Variants in EPS8L3 observed in about 807,000 individuals in gnomAD.
EPS8L3 encodes the protein epidermal growth factor receptor kinase substrate 8-like protein 3.
Under a neutral mutation model 88.5 loss-of-function variants are expected in EPS8L3, and 80 were observed. The ratio of observed to expected loss-of-function variants is 0.90; its 90% CI spans 0.75 to 1.09. The LOEUF (loss-of-function observed/expected upper bound fraction) is 1.09, where lower values mean the gene tolerates loss of function less well. Among genes scored for constraint, EPS8L3 ranks in the 50% least tolerant of loss-of-function variants. EPS8L3 has a pLI of 0.00. For missense variants in EPS8L3, 721 were observed against 735.2 expected (o/e 0.98, Z 0.22); for synonymous variants, 286 against 291.0 (o/e 0.98, Z 0.18).
At chr1:109,757,226 G>T (rs1475210436) in intron 11 of EPS8L3, 61 bp from the exon 12 acceptor site, 11 of 1,504,082 alleles carry the variant, frequency 7.3e-6, no homozygotes, top group Non-Finnish European at 8.9e-6. Context: ...GTGAGGGTGG[G>T]AAAGGCCCAG....
In EPS8L3 at chr1:109,757,871, A is replaced by C; in HGVS notation, c.833-8T>G. ...ACTGTGCCTGGGTGAGACCTGGGAGAAGGGGCCAAGACGGTGGGCCAGAGA... is the reference window on the plus strand; with the variant it reads ...ACTGTGCCTGGGTGAGACCTGGGAGCAGGGGCCAAGACGGTGGGCCAGAGA... On this transcript the variant is annotated splice_polypyrimidine_tract_variant and splice_region_variant and intron_variant, in intron 9 of 18. Transcript: ENST00000361965. 1.2e-6 allele frequency: 2 copies of C among 1,613,984 alleles called. No homozygotes were observed. Among genetic ancestry groups the C allele is most frequent in the South Asian group, 2.2e-5 (2 of 91,082 alleles).
Position 109,758,561 on chromosome 1 carries a change from G to T in EPS8L3, c.564C>A (p.Ile188=), listed in dbSNP as rs1650543546. Residue 188 remains isoleucine, a synonymous_variant, in exon 7 of 19, where the codon ATC becomes ATA. Coordinates refer to ENST00000361965, the MANE Select transcript of EPS8L3 (RefSeq NM_133181.4). ...TCCTCTGGTGGGGCTGTTCTGGAGG[G>T]ATCCCCGGCTCCAGATAGCGTGCCT... ...MEQARYLEPG[I]PPEQPHQRTL... The T allele has an allele frequency of 1.9e-6, 3 of 1,612,666 alleles. No individual in the cohort carries two copies. Among genetic ancestry groups the T allele is most frequent in the Non-Finnish European group, 2.5e-6 (3 of 1,179,260 alleles).
At chr1:109,753,459 A>C (rs921001066) in intron 12 of EPS8L3, among the ~76,000 whole-genome samples, 5 of 152,248 alleles carry the variant, frequency 3.3e-5, no homozygotes, top group Non-Finnish European at 5.9e-5. Flanking sequence ...CACCTCCGTA[A>C]GAACATGATG....
At position 109,750,744 on chromosome 1, in the gene EPS8L3, T is replaced by C; in HGVS notation, c.1686A>G (p.Ile562Met). 1 of 1,614,200 alleles carries C rather than the reference T, an allele frequency of 6.2e-7. No individual in the cohort carries two copies. Among genetic ancestry groups the C allele is most frequent in the Non-Finnish European group, 8.5e-7 (1 of 1,180,032 alleles). The change falls in exon 18 of 19, where the codon ATA becomes ATG. Residue 562 changes from isoleucine to methionine, a missense_variant. Coordinates refer to ENST00000361965, the MANE Select transcript of EPS8L3 (RefSeq NM_133181.4). The part of the protein sequence containing the change: ...GSLTGSQLLR[I>M]RPGELQMLCP... ...ATAGCATCTGTAGCTCCCCAGGTCT[T>C]ATGCGAAGTAGCTGGCTCCCCGTCA...
In EPS8L3 at chr1:109,758,350, C is replaced by T. The variant is rs773474367; in HGVS notation, c.683G>A (p.Arg228Gln). The change falls in exon 8 of 19, where the codon CGG becomes CAG. Residue 228 changes from arginine to glutamine, a missense_variant. Arg to Gln is a conservative substitution (Grantham distance 43, BLOSUM62 1). Coordinates refer to ENST00000361965, the MANE Select transcript of EPS8L3 (RefSeq NM_133181.4). ...PSAFTLPPPR[R>Q]SSSPEDPERD... is the part of the protein sequence containing the mutation. ...CTCTGGGTCCTCGGGGGAAGAGGACCGCCTTGGAGGAGGCAGAGTAAAGGC... is the reference window on the plus strand; with the variant it reads ...CTCTGGGTCCTCGGGGGAAGAGGACTGCCTTGGAGGAGGCAGAGTAAAGGC... 36 of 1,613,500 alleles carry T rather than the reference C, an allele frequency of 2.2e-5. No individual in the cohort carries two copies. The East Asian group carries it at 2.7e-4, about 12-fold the overall frequency.
At position 109,750,398 on chromosome 1, in the gene EPS8L3, C is replaced by G. The variant is rs1405839752; in HGVS notation, c.1775G>C (p.Ser592Thr). ...AGGTGTCTAAGCTGGTGCCTAAGGG[C>G]TTATCTGAGGAAAGACAAAGATTCA... Reference protein sequence around the residue: ...LEAVRRMLGISP With the variant: ...LEAVRRMLGITP Residue 592 changes from serine (S) to threonine (T), a missense_variant, in exon 19 of 19, where the codon AGC becomes ACC. By Grantham distance (58) the Ser-to-Thr change is moderately conservative. Transcript: ENST00000361965. 3 of 1,613,524 alleles carry G rather than the reference C, an allele frequency of 1.9e-6. No homozygotes were observed. Among genetic ancestry groups the G allele is most frequent in the Non-Finnish European group, 2.5e-6 (3 of 1,179,848 alleles).
Position 109,750,789 on chromosome 1 carries a change from C to T in EPS8L3, c.1641G>A (p.Thr547=), listed in dbSNP as rs78913883. The T allele has an allele frequency of 1.4e-3, 2,293 of 1,614,162 alleles. 5 individuals carry two copies. Among genetic ancestry groups the T allele is most frequent in the African/African-American group, 3.8e-3 (282 of 75,038 alleles). Residue 547 remains threonine, a synonymous_variant, in exon 18 of 19, where the codon ACG becomes ACA. Coordinates refer to ENST00000361965, the MANE Select transcript of EPS8L3 (RefSeq NM_133181.4). ...WLQAENFSTA[T]VRTLGSLTGS... ...CCGTCAGGGACCCAAGTGTCCTCACCGTGCTGTGAACAAAACAGCAAAAGC... is the reference window on the plus strand; with the variant it reads ...CCGTCAGGGACCCAAGTGTCCTCACTGTGCTGTGAACAAAACAGCAAAAGC...
In EPS8L3 at chr1:109,752,212, A is replaced by T. The variant is rs769284285; in HGVS notation, c.1236-19T>A. 1.2e-6 allele frequency: 2 copies of T among 1,601,206 alleles called. No individual in the cohort carries two copies. Among genetic ancestry groups the T allele is most frequent in the Non-Finnish European group, 1.7e-6 (2 of 1,171,716 alleles). The stretch of plus-strand genomic sequence containing the variant: ...TCCCCGCCTAAGAAACAGAGTCAGG[A>T]TGGCTGGAGAATGGGGCCTCAGAAA... On this transcript the variant is annotated intron_variant, in intron 14 of 18. Coordinates refer to ENST00000361965, the MANE Select transcript of EPS8L3 (RefSeq NM_133181.4).
chr1:109,754,949 C>A (rs1650147693), intron 12 of EPS8L3, among the ~76,000 whole-genome samples: 1 of 152,184 alleles, frequency 6.6e-6, no homozygotes, highest in African/African-American at 2.4e-5. Flanking sequence ...AGTGACTGCA[C>A]AGACAGTGCA....
At position 109,750,234 on chromosome 1, in the gene EPS8L3, G is replaced by C. The variant is rs15864; in HGVS notation, c.*157C>G. The stretch of plus-strand genomic sequence containing the variant: ...GCCAGAAGGGACACTGTTTGCTTCA[G>C]CCTCTGGGCCTGTCCATTGTTTTTG... On this transcript the variant is annotated 3_prime_UTR_variant, in exon 19 of 19. Coordinates refer to ENST00000361965, the MANE Select transcript of EPS8L3 (RefSeq NM_133181.4). The C allele has an allele frequency of 0.31, 264,188 of 841,270 alleles. 47,647 individuals are homozygous for C. Among genetic ancestry groups the C allele is most frequent in the East Asian group, 0.72 (26,990 of 37,440 alleles). The allele number at this position is 841,270 out of a possible 1,614,324, so 52.1% of individuals were successfully genotyped here.
intron 8 of EPS8L3, 76 bp from the exon 9 acceptor site, chr1:109,758,134 C>T: frequency 7.2e-7 from 1 of 1,389,364 alleles, no homozygotes; most frequent in Non-Finnish European, 1.0e-6. Flanking sequence ...CCCCCCGCAC[C>T]CCTCCCCACC....
chr1:109,758,846 G>T (rs1481252428), intron 6 of EPS8L3, among the ~76,000 whole-genome samples, 183 bp from the exon 7 acceptor site: 3 of 151,934 alleles, frequency 2.0e-5, no homozygotes, highest in African/African-American at 7.3e-5. Context: ...TACCCTCTGG[G>T]CCCTCTTGGG....
At chr1:109,760,967 T>C (rs1159425805) in intron 3 of EPS8L3, among the ~76,000 whole-genome samples, 1 of 152,098 alleles carries the variant, frequency 6.6e-6, no homozygotes, top group Non-Finnish European at 1.5e-5. Flanking sequence ...AGAGACTCCA[T>C]TCTAGCCTTG....
In EPS8L3 at chr1:109,757,814, G is replaced by A; in HGVS notation, c.882C>T (p.Ser294=). The A allele has an allele frequency of 1.2e-6, 2 of 1,614,158 alleles. No individual in the cohort carries two copies. The highest frequency in any genetic ancestry group is 1.7e-6 in the Non-Finnish European group (2 of 1,179,996). ...GGGAGCCACCTACCAGGAGGTTGAA[G>A]CTGTGCTTGATCTTCTGGAAGCAGT... The part of the protein sequence containing the change: ...YIDCFQKIKH[S]FNLLGRLATW... Residue 294 remains serine (S), a synonymous_variant, in exon 10 of 19, where the codon AGC becomes AGT. Transcript: ENST00000361965.
chr1:109,759,507 T>C lies in EPS8L3; in HGVS notation c.256-120A>G. On this transcript the variant is annotated intron_variant, in intron 4 of 18. Transcript: ENST00000361965. The surrounding 1 kb of genome is among the most constrained non-coding windows in gnomAD (Gnocchi z 4.2). Reference sequence around the variant, plus strand: ...AGGGCTGAGGTGTCATCTACCTGACTCTTGTGCCTCTGTCCCCAGCCTCTG... The same window carrying C: ...AGGGCTGAGGTGTCATCTACCTGACCCTTGTGCCTCTGTCCCCAGCCTCTG... 1.3e-6 allele frequency: 2 copies of C among 1,518,524 alleles called. No individual in the cohort carries two copies. The highest frequency in any genetic ancestry group is 8.9e-7 in the Non-Finnish European group (1 of 1,125,368). 94.1% of individuals were successfully genotyped at this position (1,518,524 alleles called of 1,614,324 possible).
Position 109,761,300 on chromosome 1 carries a change from C to T in EPS8L3, c.96+195G>A, listed in dbSNP as rs921944581. On this transcript the variant is annotated intron_variant, in intron 3 of 18. Transcript: ENST00000361965. ...AGGCCTGCTCTGTTCAATCTGACCACCCCTCCCCGTCCCTGACACTGAGCA... is the reference window on the plus strand; with the variant it reads ...AGGCCTGCTCTGTTCAATCTGACCATCCCTCCCCGTCCCTGACACTGAGCA... 10 of 590,648 alleles carry T rather than the reference C, an allele frequency of 1.7e-5. No homozygotes were observed. In the South Asian group the frequency reaches 2.0e-4, roughly 12 times the overall value. The allele number at this position is 590,648 out of a possible 1,614,324, so 36.6% of individuals were successfully genotyped here.
At chr1:109,752,890 C>T (rs1034055207) in intron 13 of EPS8L3, among the ~76,000 whole-genome samples, 170 bp from the exon 14 acceptor site, 5 of 152,024 alleles carry the variant, frequency 3.3e-5, no homozygotes, top group East Asian at 3.9e-4. Context: ...CCCACCCACC[C>T]ACTACTTGGA....
chr1:109,758,867 G>A (rs1650588018), intron 6 of EPS8L3, among the ~76,000 whole-genome samples, 195 bp downstream of exon 6: 2 of 152,070 alleles, frequency 1.3e-5, no homozygotes, highest in Admixed American at 6.5e-5. Context: ...TCCCATCTCA[G>A]TCTCTGAGGA....
At chr1:109,763,069 A>G (rs151269487) in intron 1 of EPS8L3, among the ~76,000 whole-genome samples, 115 of 152,312 alleles carry the variant, frequency 7.6e-4, no homozygotes, top group Middle Eastern at 6.8e-3. Flanking sequence ...CCCGGGTAAC[A>G]TGTGAGAGAG....
Sources: allele counts gnomAD v4.1 joint callset (sites outside exome capture counted in the v4.1 genomes callset), GRCh38; gene constraint gnomAD v4.1.1; non-coding constraint Gnocchi (gnomAD v3.1); transcripts MANE v1.5; gene names NCBI Gene and HGNC (gene_info 2026-07-23, HGNC 2026-07-21).